CNTN5: variants seen among roughly 807,000 people sequenced by gnomAD.
CNTN5 encodes the protein contactin-5.
CNTN5 carries 77 observed loss-of-function variants against 129.1 expected under a neutral mutation model. The ratio of observed to expected loss-of-function variants is 0.60; its 90% CI spans 0.50 to 0.72. CNTN5 has a LOEUF of 0.72. CNTN5 is among the 30% of genes least tolerant of loss of function. CNTN5 has a pLI of 0.00. For missense variants in CNTN5, 1,478 were observed against 1,328.8 expected, an observed-to-expected ratio of 1.11 and a Z score of -1.75; for synonymous variants, 509 against 465.6, an observed-to-expected ratio of 1.09 and a Z score of -1.20.
chr11:99,346,307 T>C (rs1447423449), intron 2 of CNTN5, among the ~76,000 whole-genome samples: 3 of 151,282 alleles, frequency 2.0e-5, no homozygotes, highest in South Asian at 2.1e-4. Context: ...GAAAATGTAA[T>C]GCAAAAATTG....
intron 9 of CNTN5, among the ~76,000 whole-genome samples, chr11:100,026,630 CT>C (rs1488352795): frequency 1.3e-5 from 2 of 152,148 alleles, no homozygotes; most frequent in African/African-American, 4.8e-5. Context: ...CACTCATAAT[CT>C]GTCATTTGGG....
intron 13 of CNTN5, among the ~76,000 whole-genome samples, chr11:100,125,510 G>T (rs533627797): frequency 5.4e-4 from 82 of 151,936 alleles, no homozygotes; most frequent in Non-Finnish European, 9.6e-4. Context: ...CTTTTTTATG[G>T]CTGTGTAGTA....
rs573509627 is a variant in CNTN5, at chr11:99,878,171, A to C, written c.577+32909A>C. 2.6e-5 allele frequency among the ~76,000 whole-genome samples: 4 copies of C among 152,340 alleles called. No homozygotes were observed. In the South Asian group the frequency reaches 8.3e-4, roughly 32 times the overall value. The stretch of plus-strand genomic sequence containing the variant: ...ACCTTCTTATTTTAGAGGCAAATGA[A>C]GTTAGATCTAGGAAATTAAGTCTTT... On this transcript the variant is annotated intron_variant, in intron 6 of 24. Transcript: ENST00000524871.
At chr11:99,275,158 C>T (rs756250768) in intron 1 of CNTN5, among the ~76,000 whole-genome samples, 38 of 151,042 alleles carry the variant, frequency 2.5e-4, no homozygotes, top group Admixed American at 9.3e-4. Flanking sequence ...ATGCTGCCTC[C>T]TCTATTGACT....
intron 3 of CNTN5, among the ~76,000 whole-genome samples, chr11:99,742,912 CAAAGCTTCTGCCTTCAG>C (rs987593158): frequency 6.6e-6 from 1 of 152,174 alleles, no homozygotes; most frequent in African/African-American, 2.4e-5. Flanking sequence ...AAACACAAGG[CAAAGCTTCTGCCTTCAG>C]AAAGCTCACA....
At chr11:100,131,186 C>T (rs772382794) in intron 13 of CNTN5, among the ~76,000 whole-genome samples, 3 of 151,936 alleles carry the variant, frequency 2.0e-5, no homozygotes, top group Non-Finnish European at 2.9e-5. Context: ...TGCAGAGAAG[C>T]AAGAGTGGGT....
chr11:100,154,304 T>G (rs999759152), intron 13 of CNTN5, among the ~76,000 whole-genome samples: 2 of 151,342 alleles, frequency 1.3e-5, no homozygotes, highest in African/African-American at 2.4e-5. Flanking sequence ...GGCTGCATAG[T>G]ATTCCATGGT....
intron 3 of CNTN5, among the ~76,000 whole-genome samples, chr11:99,807,261 A>G (rs919006641): frequency 3.9e-5 from 6 of 152,176 alleles, no homozygotes; most frequent in African/African-American, 9.7e-5. Flanking sequence ...TATTAAGTCA[A>G]AAATTCTAGA....
intron 1 of CNTN5, among the ~76,000 whole-genome samples, chr11:99,116,569 A>G (rs1228883978): frequency 1.3e-5 from 2 of 152,212 alleles, no homozygotes; most frequent in South Asian, 2.1e-4. Context: ...TTCTCTCTAT[A>G]TCATGGAGAT....
intron 13 of CNTN5, among the ~76,000 whole-genome samples, chr11:100,155,655 T>C (rs1947215966): frequency 6.6e-6 from 1 of 152,154 alleles, no homozygotes; most frequent in South Asian, 2.1e-4. Context: ...TCCATGCACA[T>C]GGAATGTTTT....
intron 2 of CNTN5, among the ~76,000 whole-genome samples, chr11:99,541,234 G>C (rs1217024964): frequency 6.6e-6 from 1 of 152,144 alleles, no homozygotes; most frequent in Non-Finnish European, 1.5e-5. Context: ...ACTTCTTGTA[G>C]TGTAGAGCTT....
intron 3 of CNTN5, among the ~76,000 whole-genome samples, chr11:99,769,648 G>C (rs184250312): frequency 6.6e-6 from 1 of 151,894 alleles, no homozygotes; most frequent in African/African-American, 2.4e-5. Context: ...AGCAGCCTGG[G>C]AAACATAGCG....
At chr11:99,391,583 C>T (rs528724147) in intron 2 of CNTN5, among the ~76,000 whole-genome samples, 1 of 152,142 alleles carries the variant, frequency 6.6e-6, no homozygotes. Context: ...GAAGTTGATG[C>T]TCAGAGGAGC....
chr11:100,257,386 G>C (rs1950095070), intron 17 of CNTN5, among the ~76,000 whole-genome samples: 1 of 152,166 alleles, frequency 6.6e-6, no homozygotes, highest in Non-Finnish European at 1.5e-5. Flanking sequence ...GTTCCCGCCT[G>C]CCAGCTCTGA....
chr11:99,678,956 T>A (rs1953423157), intron 3 of CNTN5, among the ~76,000 whole-genome samples: 1 of 147,846 alleles, frequency 6.8e-6, no homozygotes, highest in Non-Finnish European at 1.5e-5. Flanking sequence ...TGCTATTCAC[T>A]CTCTCTCTCT....
chr11:99,674,686 T>C (rs1331556575), intron 3 of CNTN5, among the ~76,000 whole-genome samples: 1 of 152,120 alleles, frequency 6.6e-6, no homozygotes, highest in Non-Finnish European at 1.5e-5. Flanking sequence ...AGACAAGGAT[T>C]GTCTCGAGGC....
intron 8 of CNTN5, among the ~76,000 whole-genome samples, chr11:99,966,540 G>A (rs912610353): frequency 6.6e-6 from 1 of 152,188 alleles, no homozygotes; most frequent in Non-Finnish European, 1.5e-5. Flanking sequence ...TTCCCAGAGT[G>A]TAATTCTCTT....
At chr11:99,918,105 C>T (rs1309058207) in intron 7 of CNTN5, among the ~76,000 whole-genome samples, 1 of 152,110 alleles carries the variant, frequency 6.6e-6, no homozygotes, top group Non-Finnish European at 1.5e-5. Flanking sequence ...TGGAAATCTA[C>T]AAATCATTGA....
intron 2 of CNTN5, among the ~76,000 whole-genome samples, chr11:99,413,112 T>C (rs535518690): frequency 7.2e-5 from 11 of 152,300 alleles, no homozygotes; most frequent in Non-Finnish European, 1.6e-4. Flanking sequence ...GCAGCATCTG[T>C]CTCTGCCATA....
Sources: gnomAD v4.1 joint callset for allele counts (sites outside exome capture counted in the v4.1 genomes callset) on GRCh38, gnomAD v4.1.1 for gene constraint, MANE v1.5 for transcripts, NCBI Gene and HGNC (gene_info 2026-07-23, HGNC 2026-07-21) for gene names.